FAM135B: variants seen among roughly 807,000 people sequenced by gnomAD.
FAM135B encodes protein FAM135B.
In FAM135B, 43 loss-of-function variants were observed where a neutral mutation model predicts 127.7. The ratio of observed to expected loss-of-function variants is 0.34; its 90% confidence interval spans 0.26 to 0.43. The LOEUF is 0.43. Ranked by LOEUF, FAM135B falls within the 20% of genes least tolerant of loss-of-function variation. The pLI, the probability that FAM135B is intolerant of heterozygous loss-of-function variation, is 1.00. For synonymous variants in FAM135B, 670 were observed against 665.1 expected, an observed-to-expected ratio of 1.01 and a Z score of -0.11; for missense variants, 1,558 against 1,725.6, an observed-to-expected ratio of 0.90 and a Z score of 1.72.
intron 1 of FAM135B, among the ~76,000 whole-genome samples, chr8:138,453,291 C>T (rs1264514132): frequency 6.6e-6 from 1 of 152,110 alleles, no homozygotes; most frequent in Non-Finnish European, 1.5e-5. Flanking sequence ...CAAACAGATG[C>T]TGCTTTTGGA....
At chr8:138,146,113 G>A (rs909890537) in intron 14 of FAM135B, 63 bp from the exon 15 acceptor site, 40 of 813,148 alleles carry the variant, frequency 4.9e-5, no homozygotes, top group Non-Finnish European at 7.5e-5. Flanking sequence ...GTTGACACAC[G>A]AGGAATTTCT....
intron 8 of FAM135B, 31 bp downstream of exon 8, chr8:138,197,485 G>T (rs2131135100): frequency 4.4e-6 from 7 of 1,599,614 alleles, no homozygotes; most frequent in Non-Finnish European, 5.1e-6. Context: ...TGAGCTGCTG[G>T]GATGGGCTTG....
chr8:138,338,867 C>T (rs1452658338), intron 2 of FAM135B, among the ~76,000 whole-genome samples: 1 of 152,098 alleles, frequency 6.6e-6, no homozygotes, highest in Non-Finnish European at 1.5e-5. Flanking sequence ...ACCCAAATGT[C>T]CAACAATGGT....
chr8:138,155,027 G>C (rs985675458), intron 12 of FAM135B, among the ~76,000 whole-genome samples: 4 of 152,202 alleles, frequency 2.6e-5, no homozygotes, highest in African/African-American at 9.6e-5. Flanking sequence ...AGGAAAAAAT[G>C]TTAAGGGCAG....
intron 2 of FAM135B, among the ~76,000 whole-genome samples, chr8:138,359,836 G>A (rs1830308675): frequency 6.6e-6 from 1 of 152,134 alleles, no homozygotes; most frequent in African/African-American, 2.4e-5. Flanking sequence ...AACACAAGAT[G>A]ACATTGTCTT....
chr8:138,268,892 G>A (rs1457126694), intron 3 of FAM135B, among the ~76,000 whole-genome samples: 1 of 152,146 alleles, frequency 6.6e-6, no homozygotes, highest in Non-Finnish European at 1.5e-5. Flanking sequence ...TTCTTCTTTT[G>A]TGGGTGTCAG....
intron 1 of FAM135B, among the ~76,000 whole-genome samples, chr8:138,489,123 G>A (rs769950990): frequency 2.6e-5 from 4 of 152,060 alleles, no homozygotes; most frequent in East Asian, 1.9e-4. Flanking sequence ...TGTGTATTCC[G>A]CCAAACTCTT....
chr8:138,214,385 G>C (rs1025990560), intron 7 of FAM135B, among the ~76,000 whole-genome samples: 1 of 152,170 alleles, frequency 6.6e-6, no homozygotes, highest in African/African-American at 2.4e-5. Flanking sequence ...CACTTATTGG[G>C]CATTGTTTCT....
At chr8:138,266,263 AT>A (rs1354984663) in intron 3 of FAM135B, among the ~76,000 whole-genome samples, 1 of 152,144 alleles carries the variant, frequency 6.6e-6, no homozygotes, top group Non-Finnish European at 1.5e-5. Context: ...CCTAGTGCCC[AT>A]AGAGTCTCTC....
At chr8:138,210,369 A>G (rs1818044505) in intron 7 of FAM135B, among the ~76,000 whole-genome samples, 1 of 152,096 alleles carries the variant, frequency 6.6e-6, no homozygotes. Flanking sequence ...TCCCCCTAGT[A>G]TTCTTGATGG....
intron 6 of FAM135B, among the ~76,000 whole-genome samples, chr8:138,247,572 C>T (rs962826915): frequency 3.3e-5 from 5 of 152,174 alleles, no homozygotes; most frequent in African/African-American, 1.2e-4. Flanking sequence ...TCAGTTAAAC[C>T]TCTTTCCTTT....
At chr8:138,448,309 C>CCCTCCCTAATGTAAGTGGGTCA (rs1208735770) in intron 1 of FAM135B, among the ~76,000 whole-genome samples, 1 of 151,970 alleles carries the variant, frequency 6.6e-6, no homozygotes, top group Non-Finnish European at 1.5e-5. Context: ...AAGCAGATTG[C>CCCTCCCTAATGTAAGTGGGTCA]CCTCCCTAAT....
At chr8:138,347,317 T>C (rs996030514) in intron 2 of FAM135B, among the ~76,000 whole-genome samples, 3 of 152,112 alleles carry the variant, frequency 2.0e-5, no homozygotes, top group African/African-American at 7.2e-5. Context: ...AATCATCCCT[T>C]CCTGTGGTAT....
intron 7 of FAM135B, among the ~76,000 whole-genome samples, chr8:138,232,361 A>G (rs987731272): frequency 6.6e-5 from 10 of 152,226 alleles, no homozygotes; most frequent in African/African-American, 2.2e-4. Context: ...AAGGCAGACA[A>G]TGTGGAACAA....
chr8:138,462,108 T>A (rs531982549), intron 1 of FAM135B, among the ~76,000 whole-genome samples: 2 of 151,946 alleles, frequency 1.3e-5, no homozygotes, highest in Non-Finnish European at 2.9e-5. Context: ...AGAAACAAAG[T>A]AGAAATGAGA....
chr8:138,490,267 C>T (rs932111312), intron 1 of FAM135B, among the ~76,000 whole-genome samples: 8 of 152,234 alleles, frequency 5.3e-5, no homozygotes, highest in African/African-American at 1.9e-4. Flanking sequence ...TACCAGACTC[C>T]ACATAAAAGA....
intron 1 of FAM135B, among the ~76,000 whole-genome samples, chr8:138,486,336 C>T (rs1814984341): frequency 6.6e-6 from 1 of 151,964 alleles, no homozygotes. Flanking sequence ...GATATGAGTC[C>T]CAAAGAATGA....
intron 1 of FAM135B, among the ~76,000 whole-genome samples, chr8:138,485,857 T>C (rs567401637): frequency 6.6e-6 from 1 of 152,100 alleles, no homozygotes; most frequent in Admixed American, 6.6e-5. Context: ...GACGAGGCCA[T>C]GTTCGACAGA....
chr8:138,336,445 A>G (rs148488473), intron 2 of FAM135B, among the ~76,000 whole-genome samples: 6,858 of 152,288 alleles, frequency 0.045, 458 homozygotes, highest in African/African-American at 0.15. Context: ...ATCCCACAGA[A>G]ATAAAAACTA....
Sources: allele counts gnomAD v4.1 joint callset (sites outside exome capture counted in the v4.1 genomes callset), GRCh38; gene constraint gnomAD v4.1.1; transcripts MANE v1.5; gene names NCBI Gene and HGNC (gene_info 2026-07-23, HGNC 2026-07-21).